Variants in PER3 observed in about 807,000 individuals in gnomAD.
PER3 encodes period circadian regulator 3, also known as period circadian protein homolog 3.
PER3 carries 107 observed loss-of-function variants against 127.2 expected under a neutral mutation model. The observed-to-expected ratio is 0.84, with a 90% CI of 0.72 to 0.99. PER3 has a LOEUF of 0.99. Among genes scored for constraint, PER3 ranks in the 50% least tolerant of loss-of-function variants. The probability of loss-of-function intolerance (pLI) is 0.00; values close to 1 mark genes in which losing one functional copy is unlikely to be tolerated. For synonymous variants in PER3, 618 were observed against 585.8 expected, an observed-to-expected ratio of 1.05 and a Z score of -0.79; for missense variants, 1,560 against 1,525.8, an observed-to-expected ratio of 1.02 and a Z score of -0.37.
At chr1:7,789,061 G>T (rs1166140197) in intron 5 of PER3, among the ~76,000 whole-genome samples, 7 of 151,594 alleles carry the variant, frequency 4.6e-5, no homozygotes, top group African/African-American at 1.7e-4. Context: ...ATTCAGTCCT[G>T]TGTGATCTTA....
At chr1:7,837,292 T>C (rs2097363130) in intron 21 of PER3, 143 bp downstream of exon 21, 1 of 606,564 alleles carries the variant, frequency 1.6e-6, no homozygotes, top group Non-Finnish European at 2.8e-6. Context: ...TATTCCCTCT[T>C]TACCAATAAG....
intron 18 of PER3, 146 bp downstream of exon 18, chr1:7,827,961 A>G (rs1013834993): frequency 1.8e-5 from 11 of 615,596 alleles, no homozygotes; most frequent in Non-Finnish European, 2.9e-5. Context: ...AATTCTGTGT[A>G]AACATGAAAC....
intron 13 of PER3, among the ~76,000 whole-genome samples, chr1:7,814,699 T>TA (rs1164911416): frequency 4.6e-5 from 7 of 152,170 alleles, no homozygotes; most frequent in South Asian, 2.1e-4. Flanking sequence ...ATTTTTAAAA[T>TA]TAATCATAAA....
intron 13 of PER3, among the ~76,000 whole-genome samples, chr1:7,816,868 A>G (rs1005552922): frequency 6.6e-6 from 1 of 152,262 alleles, no homozygotes; most frequent in Non-Finnish European, 1.5e-5. Flanking sequence ...AAACCTGTAC[A>G]TGAATATTTA....
Position 7,842,851 on chromosome 1 carries a change from A to G in PER3, c.*96A>G. On this transcript the variant is annotated 3_prime_UTR_variant, in exon 22 of 22. Transcript: ENST00000377532. ...ACTTTTAAATGACCATGAAGTTATCATTGAATGTTAAGATTTTTTCTTCTT... is the reference window on the plus strand; with the variant it reads ...ACTTTTAAATGACCATGAAGTTATCGTTGAATGTTAAGATTTTTTCTTCTT... 1.0e-6 allele frequency: 1 copy of G among 966,408 alleles called. No individual in the cohort carries two copies. Among genetic ancestry groups the G allele is most frequent in the South Asian group, 2.1e-5 (1 of 46,932 alleles). The allele number at this position is 966,408 out of a possible 1,614,324, so 59.9% of individuals were successfully genotyped here.
intron 19 of PER3, among the ~76,000 whole-genome samples, chr1:7,831,746 A>G (rs2097332447): frequency 6.6e-6 from 1 of 152,208 alleles, no homozygotes; most frequent in Non-Finnish European, 1.5e-5. Flanking sequence ...GCATTTGGTC[A>G]TGCTCTTTTA....
chr1:7,808,462 C>G (rs1577768655), intron 10 of PER3, among the ~76,000 whole-genome samples: 1 of 152,226 alleles, frequency 6.6e-6, no homozygotes, highest in East Asian at 1.9e-4. Context: ...GCAGAACTGT[C>G]TTAATTAGAT....
At chr1:7,823,930 G>T (rs2097289653) in intron 16 of PER3, among the ~76,000 whole-genome samples, 1 of 152,110 alleles carries the variant, frequency 6.6e-6, no homozygotes, top group Admixed American at 6.5e-5. Context: ...AAGGATTGAT[G>T]GTGTGTGAAC....
intron 3 of PER3, 24 bp downstream of exon 3, chr1:7,785,610 C>A (rs1177451629): frequency 1.2e-6 from 2 of 1,603,758 alleles, no homozygotes; most frequent in Non-Finnish European, 8.5e-7. Context: ...AGAGAAATTT[C>A]ATCCTACGAA....
At chr1:7,841,407 G>T (rs989512832) in intron 21 of PER3, among the ~76,000 whole-genome samples, 2 of 151,890 alleles carry the variant, frequency 1.3e-5, no homozygotes, top group South Asian at 4.2e-4. Flanking sequence ...GTTGGAAGAC[G>T]GGGTCCTTAT....
At chr1:7,809,292 A>C (rs1184621948) in intron 11 of PER3, among the ~76,000 whole-genome samples, 1 of 152,230 alleles carries the variant, frequency 6.6e-6, no homozygotes, top group Non-Finnish European at 1.5e-5. Context: ...TTTTGGCTTC[A>C]GGATTTTTAA....
chr1:7,842,094 T>C (rs1334986729), intron 21 of PER3, among the ~76,000 whole-genome samples: 1 of 152,164 alleles, frequency 6.6e-6, no homozygotes, highest in East Asian at 1.9e-4. Flanking sequence ...AAAGGTACCA[T>C]AAAAATGTGG....
chr1:7,793,504 A>G (rs555303974), intron 5 of PER3, among the ~76,000 whole-genome samples: 13 of 152,306 alleles, frequency 8.5e-5, no homozygotes, highest in African/African-American at 3.1e-4. Flanking sequence ...AATTTATCCA[A>G]AGAAAGAGCT....
chr1:7,797,841 A>G (rs970310211), intron 6 of PER3, among the ~76,000 whole-genome samples: 7 of 152,216 alleles, frequency 4.6e-5, no homozygotes, highest in Non-Finnish European at 8.8e-5. Context: ...TCCCAGTAGA[A>G]GCATCCGCTG....
intron 13 of PER3, 81 bp downstream of exon 13, chr1:7,810,669 C>G: frequency 7.4e-7 from 1 of 1,346,774 alleles, no homozygotes; most frequent in Middle Eastern, 2.0e-4. Flanking sequence ...GATTCGTGAG[C>G]ATAAAGTCAT....
At chr1:7,805,643 C>A (rs959194839) in intron 10 of PER3, among the ~76,000 whole-genome samples, 1 of 152,174 alleles carries the variant, frequency 6.6e-6, no homozygotes, top group African/African-American at 2.4e-5. Context: ...CCCATACCCC[C>A]CAAGTACGGA....
At chr1:7,796,398 A>T (rs1275103247) in intron 6 of PER3, among the ~76,000 whole-genome samples, 1 of 142,966 alleles carries the variant, frequency 7.0e-6, no homozygotes, top group Non-Finnish European at 1.5e-5. Flanking sequence ...GGCTCACTGC[A>T]ATCTCTGCCT....
chr1:7,793,008 T>G (rs1168600431), intron 5 of PER3, among the ~76,000 whole-genome samples: 8 of 152,236 alleles, frequency 5.3e-5, no homozygotes, highest in African/African-American at 1.9e-4. Flanking sequence ...CAATCTTCAG[T>G]GCTTTATTAA....
chr1:7,805,959 A>G (rs2097190810), intron 10 of PER3, among the ~76,000 whole-genome samples: 1 of 152,226 alleles, frequency 6.6e-6, no homozygotes, highest in Non-Finnish European at 1.5e-5. Flanking sequence ...TTTAAGGTCT[A>G]GTAGGTATTA....
Sources: gnomAD v4.1 joint callset for allele counts (sites outside exome capture counted in the v4.1 genomes callset) on GRCh38, gnomAD v4.1.1 for gene constraint, MANE v1.5 for transcripts, NCBI Gene and HGNC (gene_info 2026-07-23, HGNC 2026-07-21) for gene names.